PLCL1: variants seen among roughly 807,000 people sequenced by gnomAD.
PLCL1 encodes the protein inactive phospholipase C-like protein 1.
A neutral mutation model predicts 84.4 loss-of-function variants in PLCL1; 41 were observed. That is an observed-to-expected ratio of 0.49 (90% confidence interval 0.38 to 0.63). The LOEUF (loss-of-function observed/expected upper bound fraction) is 0.63. PLCL1 is among the 30% of genes least tolerant of loss of function. PLCL1 has a pLI of 0.00. For synonymous variants in PLCL1, 490 were observed against 488.3 expected, an observed-to-expected ratio of 1.00 and a Z score of -0.05; for missense variants, 1,206 against 1,367.8, an observed-to-expected ratio of 0.88 and a Z score of 1.87.
intron 1 of PLCL1, among the ~76,000 whole-genome samples, chr2:197,852,725 TCTC>T (rs1687262992): frequency 6.6e-6 from 1 of 152,124 alleles, no homozygotes; most frequent in Admixed American, 6.6e-5. Flanking sequence ...TCTTTAAACC[TCTC>T]CTATTTTGGG....
At chr2:197,920,426 T>C (rs1012847451) in intron 1 of PLCL1, among the ~76,000 whole-genome samples, 2 of 151,954 alleles carry the variant, frequency 1.3e-5, no homozygotes, top group South Asian at 2.1e-4. Flanking sequence ...TTTCTTGGAA[T>C]TGGAAATTAT....
At chr2:197,971,292 G>A (rs561430039) in intron 1 of PLCL1, among the ~76,000 whole-genome samples, 3 of 152,326 alleles carry the variant, frequency 2.0e-5, no homozygotes, top group South Asian at 4.1e-4. Flanking sequence ...CTGCACATGT[G>A]AGGAAGCAGT....
intron 1 of PLCL1, among the ~76,000 whole-genome samples, chr2:198,011,562 G>T (rs56765024): frequency 0.2 from 30,825 of 151,890 alleles, 3,160 homozygotes; most frequent in East Asian, 0.26. Context: ...TTCCATGTGC[G>T]CTTGAGAATA....
intron 1 of PLCL1, among the ~76,000 whole-genome samples, chr2:197,903,746 G>T (rs1688320005): frequency 7.3e-6 from 1 of 136,496 alleles, no homozygotes; most frequent in South Asian, 2.3e-4. Context: ...CTCGTGATCT[G>T]CCCGCCTCAG....
At position 198,085,675 on chromosome 2, in the gene PLCL1, C is replaced by G; in HGVS notation, c.2158C>G (p.Pro720Ala). 6.2e-7 allele frequency: 1 copy of G among 1,614,104 alleles called. No individual in the cohort carries two copies. Among genetic ancestry groups the G allele is most frequent in the Non-Finnish European group, 8.5e-7 (1 of 1,179,988 alleles). The change falls in exon 2 of 6, where the codon CCT (proline) becomes GCT (alanine). Residue 720 changes from proline (P) to alanine (A), a missense_variant. Pro to Ala is a conservative substitution (Grantham distance 27). Transcript: ENST00000428675. The surrounding 1 kb of genome is among the most constrained non-coding windows in gnomAD (Gnocchi z 5.3). ...AAAGGGCATTCTACCTGGGGTGTCT[C>G]CTCTAGCTCTTCATATCAAGATCAT... ...NTKGILPGVS[P>A]LALHIKIISG...
At chr2:197,986,168 C>T (rs1482466694) in intron 1 of PLCL1, among the ~76,000 whole-genome samples, 1 of 152,132 alleles carries the variant, frequency 6.6e-6, no homozygotes, top group Non-Finnish European at 1.5e-5. Flanking sequence ...CTTTGTGAAT[C>T]ATCCTAAATC....
chr2:198,011,428 C>T (rs918481412), intron 1 of PLCL1, among the ~76,000 whole-genome samples: 8 of 151,922 alleles, frequency 5.3e-5, no homozygotes, highest in Non-Finnish European at 1.0e-4. Context: ...TTCCTATTTT[C>T]TTTCTGCTAT....
chr2:198,067,127 C>CTTTT (rs536395932), intron 1 of PLCL1, among the ~76,000 whole-genome samples: 1 of 136,522 alleles, frequency 7.3e-6, no homozygotes, highest in African/African-American at 2.7e-5. Flanking sequence ...TTGTGGCCCT[C>CTTTT]TTTTTTTTTT....
intron 1 of PLCL1, among the ~76,000 whole-genome samples, chr2:198,010,984 C>T (rs1365258424): frequency 1.3e-5 from 2 of 151,082 alleles, no homozygotes; most frequent in Non-Finnish European, 3.0e-5. Context: ...TTTTTCTTTT[C>T]TAATTTTAGC....
chr2:198,127,012 G>GTGTGTGTGTGT lies in PLCL1; in HGVS notation c.3106-19768_3106-19767insTGTGTGTGTGT, dbSNP rs144423192. ...TGTGAGTGTGTGTGTGTGTGTGTGT[G>GTGTGTGTGTGT]GGGGGTGGTGTATTCTTAGTCCCTT... On this transcript the variant is annotated intron_variant, in intron 5 of 5. Transcript: ENST00000428675. 2.5e-3 allele frequency among the ~76,000 whole-genome samples: 233 copies of GTGTGTGTGTGT among 92,858 alleles called. 2 individuals carry two copies. Among genetic ancestry groups the GTGTGTGTGTGT allele is most frequent in the African/African-American group, 8.8e-3 (220 of 25,020 alleles). The allele number at this position is 92,858 out of a possible 152,430, so 60.9% of individuals were successfully genotyped here.
At chr2:197,975,863 C>A (rs540656903) in intron 1 of PLCL1, among the ~76,000 whole-genome samples, 20 of 152,114 alleles carry the variant, frequency 1.3e-4, no homozygotes, top group Non-Finnish European at 2.4e-4. Flanking sequence ...AGAAAAAAGT[C>A]CCCTGAAGTA....
intron 1 of PLCL1, among the ~76,000 whole-genome samples, chr2:197,819,884 ATGTGTGTGTG>A (rs57885218): frequency 2.1e-5 from 3 of 140,572 alleles, no homozygotes; most frequent in East Asian, 2.1e-4. Flanking sequence ...ACTATTATGC[ATGTGTGTGTG>A]TGTGTGTGTG....
chr2:197,895,321 A>G (rs1402854621), intron 1 of PLCL1, among the ~76,000 whole-genome samples: 1 of 152,038 alleles, frequency 6.6e-6, no homozygotes, highest in Non-Finnish European at 1.5e-5. Flanking sequence ...CCATTTTGAA[A>G]GGAAAATATT....
At chr2:198,087,029 C>G (rs980935236) in intron 2 of PLCL1, among the ~76,000 whole-genome samples, 17 of 152,114 alleles carry the variant, frequency 1.1e-4, no homozygotes, top group Admixed American at 2.0e-4. Flanking sequence ...TAATAAATTA[C>G]TCCCCACAAG....
intron 1 of PLCL1, among the ~76,000 whole-genome samples, chr2:197,806,551 A>G (rs146787771): frequency 6.8e-4 from 104 of 152,350 alleles, no homozygotes; most frequent in Non-Finnish European, 1.1e-3. Context: ...TATATAAAGA[A>G]GAGTGGGTGG....
intron 1 of PLCL1, among the ~76,000 whole-genome samples, chr2:197,885,131 T>C (rs2105718980): frequency 6.6e-6 from 1 of 152,328 alleles, no homozygotes; most frequent in Middle Eastern, 3.4e-3. Flanking sequence ...GAACATTCGT[T>C]CTCATTTTTG....
intron 1 of PLCL1, among the ~76,000 whole-genome samples, chr2:197,851,018 T>C (rs1687226332): frequency 6.6e-6 from 1 of 152,236 alleles, no homozygotes; most frequent in African/African-American, 2.4e-5. Flanking sequence ...CCATAGGAGC[T>C]TCCTCCCCTT....
At chr2:198,093,368 T>C (rs1693099847) in intron 3 of PLCL1, among the ~76,000 whole-genome samples, 1 of 152,110 alleles carries the variant, frequency 6.6e-6, no homozygotes, top group Non-Finnish European at 1.5e-5. Flanking sequence ...ATGTAAACAG[T>C]AGGGAAAACT....
At chr2:198,041,817 A>G (rs1446512903) in intron 1 of PLCL1, among the ~76,000 whole-genome samples, 1 of 152,200 alleles carries the variant, frequency 6.6e-6, no homozygotes, top group Admixed American at 6.5e-5. Context: ...TTCTAGGTGA[A>G]GAGAGCAAAG....
Sources: allele counts gnomAD v4.1 joint callset (sites outside exome capture counted in the v4.1 genomes callset), GRCh38; gene constraint gnomAD v4.1.1; non-coding constraint Gnocchi (gnomAD v3.1); transcripts MANE v1.5; gene names NCBI Gene and HGNC (gene_info 2026-07-23, HGNC 2026-07-21).